Variants in ATP8B4 observed in about 807,000 individuals in gnomAD.
ATP8B4 encodes the protein probable phospholipid-transporting ATPase IM.
In ATP8B4, 133 loss-of-function variants were observed where a neutral mutation model predicts 145.6. The observed-to-expected ratio is 0.91, with a 90% CI of 0.79 to 1.05. ATP8B4 has a LOEUF of 1.05. ATP8B4 is among the 50% of genes least tolerant of loss of function. ATP8B4 has a pLI of 0.00. For synonymous variants in ATP8B4, 507 were observed against 492.9 expected (o/e 1.03, Z -0.38); for missense variants, 1,458 against 1,425.2 (o/e 1.02, Z -0.37).
intron 12 of ATP8B4, among the ~76,000 whole-genome samples, chr15:49,973,183 G>A (rs1438428698): frequency 6.6e-6 from 1 of 152,164 alleles, no homozygotes; most frequent in Non-Finnish European, 1.5e-5. Flanking sequence ...CACAGATCAG[G>A]GGAAGGGGGA....
At chr15:49,972,909 G>A in intron 12 of ATP8B4, 119 bp from the exon 13 acceptor site, 2 of 918,210 alleles carry the variant, frequency 2.2e-6, no homozygotes, top group African/African-American at 1.7e-5. Context: ...AAATGTGGAT[G>A]CTCTGTCCCT....
intron 1 of ATP8B4, among the ~76,000 whole-genome samples, chr15:50,141,381 T>C (rs541174528): frequency 1.3e-5 from 2 of 152,078 alleles, no homozygotes; most frequent in African/African-American, 2.4e-5. Context: ...TTGATTCCTA[T>C]TGGAGAAAGA....
chr15:49,874,243 G>A (rs2034062478), intron 25 of ATP8B4, among the ~76,000 whole-genome samples: 1 of 152,180 alleles, frequency 6.6e-6, no homozygotes, highest in Admixed American at 6.5e-5. Flanking sequence ...TGACAACTAT[G>A]AGATAAAATA....
At chr15:50,146,815 C>T (rs1379941868) in intron 1 of ATP8B4, among the ~76,000 whole-genome samples, 1 of 152,018 alleles carries the variant, frequency 6.6e-6, no homozygotes, top group Non-Finnish European at 1.5e-5. Context: ...ACTTCCCACC[C>T]ACAAGTTCCA....
intron 10 of ATP8B4, among the ~76,000 whole-genome samples, chr15:49,984,840 A>G (rs1378369691): frequency 1.3e-5 from 2 of 152,138 alleles, no homozygotes; most frequent in African/African-American, 4.8e-5. Context: ...TGCAGTGTGC[A>G]CTCAAGATGG....
chr15:50,168,152 G>A (rs1458906050), intron 1 of ATP8B4, among the ~76,000 whole-genome samples: 1 of 152,226 alleles, frequency 6.6e-6, no homozygotes, highest in African/African-American at 2.4e-5. Context: ...GACCTAAGTA[G>A]TAAAGAATTA....
intron 10 of ATP8B4, among the ~76,000 whole-genome samples, chr15:49,982,155 AGAAAGG>A (rs1283954403): frequency 5.3e-5 from 8 of 152,316 alleles, no homozygotes; most frequent in South Asian, 2.1e-4. Flanking sequence ...GGGAAATTAA[AGAAAGG>A]AGAAAAGGGA....
At chr15:50,139,440 G>T (rs1054167312) in intron 1 of ATP8B4, among the ~76,000 whole-genome samples, 3 of 151,880 alleles carry the variant, frequency 2.0e-5, no homozygotes, top group Non-Finnish European at 4.4e-5. Context: ...CTGTCGGGGG[G>T]TTGGGGGCAA....
intron 23 of ATP8B4, 90 bp downstream of exon 23, chr15:49,897,198 AATTT>A: frequency 8.2e-7 from 1 of 1,226,824 alleles, no homozygotes; most frequent in Non-Finnish European, 1.1e-6. Context: ...AAATGCTCTG[AATTT>A]ATTAGTAAAG....
chr15:49,990,479 C>A (rs1274277844), intron 9 of ATP8B4, among the ~76,000 whole-genome samples: 2 of 151,932 alleles, frequency 1.3e-5, no homozygotes, highest in Non-Finnish European at 2.9e-5. Flanking sequence ...TCTGTTTGCC[C>A]CTCTGAAGAG....
intron 1 of ATP8B4, among the ~76,000 whole-genome samples, chr15:50,116,479 T>G (rs1471991646): frequency 1.3e-5 from 2 of 152,170 alleles, no homozygotes; most frequent in Admixed American, 6.5e-5. Context: ...TTAAAATGCC[T>G]CTTGATCATT....
At chr15:49,875,810 T>C (rs2034321034) in intron 25 of ATP8B4, among the ~76,000 whole-genome samples, 1 of 152,236 alleles carries the variant, frequency 6.6e-6, no homozygotes, top group South Asian at 2.1e-4. Flanking sequence ...AGAGCTCCTC[T>C]GAGTGTGAGA....
intron 1 of ATP8B4, among the ~76,000 whole-genome samples, chr15:50,144,435 A>G (rs1034813810): frequency 1.3e-5 from 2 of 152,224 alleles, no homozygotes; most frequent in African/African-American, 4.8e-5. Flanking sequence ...GGCCTCAGGA[A>G]ACTTACAATC....
chr15:50,134,146 ATAAAT>A (rs1357289782), intron 1 of ATP8B4, among the ~76,000 whole-genome samples: 2 of 107,264 alleles, frequency 1.9e-5, no homozygotes, highest in East Asian at 2.2e-4. Flanking sequence ...CTAAGGAAAA[ATAAAT>A]TAATATGTAA....
intron 1 of ATP8B4, among the ~76,000 whole-genome samples, chr15:50,139,131 T>G (rs1019079889): frequency 4.6e-5 from 7 of 152,194 alleles, no homozygotes; most frequent in Non-Finnish European, 1.0e-4. Context: ...AAAAGACACA[T>G]GCACACGTAT....
chr15:50,052,184 T>A (rs1232175334), intron 3 of ATP8B4, among the ~76,000 whole-genome samples: 1 of 152,236 alleles, frequency 6.6e-6, no homozygotes, highest in African/African-American at 2.4e-5. Context: ...GCTATAGGCC[T>A]ACAGTCCAAT....
At position 50,151,570 on chromosome 15, in the gene ATP8B4, G is replaced by T. The variant is rs562459338; in HGVS notation, c.-43+30691C>A. On this transcript the variant is annotated intron_variant, in intron 1 of 3. Transcript: ENST00000558829. ...AAAGACCTCTGACATGGTCAACATG[G>T]CGAAACTCCATCTCTACGAAAAATT... Among the ~76,000 whole-genome samples, 10 of 152,086 alleles carry T rather than the reference G, an allele frequency of 6.6e-5. No homozygotes were observed. The South Asian group carries it at 2.1e-3, about 32-fold the overall frequency.
At chr15:49,913,633 C>G (rs957783987) in intron 20 of ATP8B4, among the ~76,000 whole-genome samples, 1 of 152,060 alleles carries the variant, frequency 6.6e-6, no homozygotes, top group Admixed American at 6.6e-5. Flanking sequence ...CAAGTGATTC[C>G]ATCAAAAACT....
At chr15:49,989,437 G>A (rs1219237366) in intron 9 of ATP8B4, among the ~76,000 whole-genome samples, 2 of 150,036 alleles carry the variant, frequency 1.3e-5, no homozygotes, top group Non-Finnish European at 1.5e-5. Context: ...AAAAAAAAAT[G>A]TGCTTTGGGC....
Sources: allele counts gnomAD v4.1 joint callset (sites outside exome capture counted in the v4.1 genomes callset), GRCh38; gene constraint gnomAD v4.1.1; transcripts MANE v1.5; gene names NCBI Gene and HGNC (gene_info 2026-07-23, HGNC 2026-07-21).